PCDHGA1: variants seen among roughly 807,000 people sequenced by gnomAD.
PCDHGA1 encodes the protein protocadherin gamma subfamily A, 1, also known as protocadherin gamma-A1.
In PCDHGA1, 32 loss-of-function variants were observed where a neutral mutation model predicts 58.0. The ratio of observed to expected loss-of-function variants is 0.55; its 90% confidence interval spans 0.42 to 0.74. PCDHGA1 has a LOEUF of 0.74. PCDHGA1 is among the 30% of genes least tolerant of loss of function. PCDHGA1 has a pLI of 0.00. For missense variants in PCDHGA1, 1,205 were observed against 1,182.3 expected, an observed-to-expected ratio of 1.02 and a Z score of -0.28; for synonymous variants, 498 against 501.1, an observed-to-expected ratio of 0.99 and a Z score of 0.08.
chr5:141,390,173 T>C (rs1212038164), intron 1 of PCDHGA1: 1 of 1,613,616 alleles, frequency 6.2e-7, no homozygotes. Flanking sequence ...CGGAGTTTAA[T>C]TTCCTAAAAT....
chr5:141,386,595 AT>A (rs373179212), intron 1 of PCDHGA1, among the ~76,000 whole-genome samples: 3,552 of 145,572 alleles, frequency 0.024, 119 homozygotes, highest in African/African-American at 0.079. Flanking sequence ...TGGGGGATAC[AT>A]TTTTTTTTTT....
chr5:141,440,960 A>C (rs1467379261), intron 1 of PCDHGA1: 2 of 152,248 alleles, frequency 1.3e-5, no homozygotes, highest in Non-Finnish European at 2.9e-5. Flanking sequence ...CAAGGCAGAG[A>C]TCACATATGG....
At chr5:141,409,545 A>G in intron 1 of PCDHGA1, 1 of 1,613,938 alleles carries the variant, frequency 6.2e-7, no homozygotes, top group African/African-American at 1.3e-5. Flanking sequence ...ATCAACGACA[A>G]CGCCCCAGTT....
At chr5:141,423,398 G>T in intron 1 of PCDHGA1, 7 of 1,614,172 alleles carry the variant, frequency 4.3e-6, no homozygotes, top group Non-Finnish European at 5.9e-6. Flanking sequence ...CATAAGTCAC[G>T]CCTGCTGCAG....
chr5:141,366,788 T>G, intron 1 of PCDHGA1: 1 of 1,571,338 alleles, frequency 6.4e-7, no homozygotes, highest in Non-Finnish European at 8.6e-7. Context: ...ACCAGAACAT[T>G]TTCATTTGTT....
chr5:141,385,246 G>A (rs1285071081), intron 1 of PCDHGA1: 1 of 1,614,084 alleles, frequency 6.2e-7, no homozygotes, highest in Non-Finnish European at 8.5e-7. Context: ...CATCAGCCAG[G>A]AGAGCTGTGA....
chr5:141,377,666 T>C (rs1416026384), intron 1 of PCDHGA1: 1 of 152,116 alleles, frequency 6.6e-6, no homozygotes, highest in Admixed American at 6.5e-5. Context: ...ACGACAGACG[T>C]TCATACAAGA....
intron 1 of PCDHGA1, among the ~76,000 whole-genome samples, chr5:141,338,059 T>C (rs1756725694): frequency 1.3e-5 from 2 of 152,258 alleles, no homozygotes; most frequent in Non-Finnish European, 2.9e-5. Flanking sequence ...GCTTCAATCA[T>C]GCCCTCAAAA....
chr5:141,399,643 C>G lies in PCDHGA1; in HGVS notation c.2421+66538C>G, dbSNP rs776980167. On this transcript the variant is annotated intron_variant, in intron 1 of 3. Transcript: ENST00000517417. The stretch of plus-strand genomic sequence containing the variant: ...GGCCTCTTACGTGTCCATGAGCGCG[C>G]AAAGTGGGGTGGTGTTCGCGCAGCG... 133 of 1,613,714 alleles carry G rather than the reference C, an allele frequency of 8.2e-5. No individual in the cohort carries two copies. Among genetic ancestry groups the G allele is most frequent in the Non-Finnish European group, 1.1e-4 (126 of 1,179,890 alleles).
At chr5:141,390,217 T>C (rs373008153) in intron 1 of PCDHGA1, 21 of 1,613,944 alleles carry the variant, frequency 1.3e-5, no homozygotes, top group Non-Finnish European at 1.8e-5. Flanking sequence ...CAAGACATAC[T>C]TTGCGGTGAT....
Position 141,375,274 on chromosome 5 carries a change from A to C in PCDHGA1, c.2421+42169A>C, listed in dbSNP as rs773661979. On this transcript the variant is annotated intron_variant, in intron 1 of 3. Transcript: ENST00000517417. ...GTCTCCCATTTGAATTGGAAAAATC[A>C]GTTGGCAATTATTATCGATTAGTGA... 9 of 1,613,898 alleles carry C rather than the reference A, an allele frequency of 5.6e-6. No individual in the cohort carries two copies. In the East Asian group the frequency reaches 2.0e-4, roughly 36 times the overall value.
chr5:141,422,831 C>A (rs766457129), intron 1 of PCDHGA1: 11 of 1,614,242 alleles, frequency 6.8e-6, no homozygotes, highest in Non-Finnish European at 6.8e-6. Context: ...AGAGTGATAG[C>A]ACGTGACAGC....
At chr5:141,492,449 T>C (rs1045043841) in intron 1 of PCDHGA1, among the ~76,000 whole-genome samples, 50 of 152,314 alleles carry the variant, frequency 3.3e-4, no homozygotes, top group African/African-American at 1.2e-3. Flanking sequence ...TAGCTGATTG[T>C]GCGCGCCTGA....
At chr5:141,371,108 C>T (rs754711722) in intron 1 of PCDHGA1, 1 of 1,613,760 alleles carries the variant, frequency 6.2e-7, no homozygotes, top group African/African-American at 1.3e-5. Context: ...CAAATGATAA[C>T]CCCCCAGTAT....
At chr5:141,404,488 T>C (rs3749770) in intron 1 of PCDHGA1, 387,354 of 1,612,960 alleles carry the variant, frequency 0.24, 50,449 homozygotes, top group African/African-American at 0.51. Flanking sequence ...CAGACACTGG[T>C]GTGCTGTATG....
chr5:141,506,459 A>G (rs1159808052), intron 3 of PCDHGA1, among the ~76,000 whole-genome samples: 4 of 151,918 alleles, frequency 2.6e-5, no homozygotes, highest in Non-Finnish European at 4.4e-5. Context: ...AAAAAAAAAA[A>G]AAAAAAGAGC....
At chr5:141,398,437 C>G (rs2093656645) in intron 1 of PCDHGA1, 20 of 1,556,582 alleles carry the variant, frequency 1.3e-5, no homozygotes, top group Non-Finnish European at 1.8e-5. Flanking sequence ...AGCTTGTGCT[C>G]TGGAATTTGA....
chr5:141,472,079 G>T (rs2099271048), intron 1 of PCDHGA1, among the ~76,000 whole-genome samples: 1 of 152,124 alleles, frequency 6.6e-6, no homozygotes, highest in African/African-American at 2.4e-5. Flanking sequence ...TTATATCAAT[G>T]AGTACTATTA....
intron 1 of PCDHGA1, chr5:141,419,435 C>CGCACCT (rs2096383167): frequency 6.2e-7 from 1 of 1,613,108 alleles, no homozygotes; most frequent in Admixed American, 1.7e-5. Context: ...CGAGCAGCTG[C>CGCACCT]GCACCTTCGA....
Sources: allele counts gnomAD v4.1 joint callset (sites outside exome capture counted in the v4.1 genomes callset), GRCh38; gene constraint gnomAD v4.1.1; transcripts MANE v1.5; gene names NCBI Gene and HGNC (gene_info 2026-07-23, HGNC 2026-07-21).